STPG2: variants seen among roughly 807,000 people sequenced by gnomAD.
STPG2 encodes the protein sperm-tail PG-rich repeat-containing protein 2.
STPG2 carries 56 observed loss-of-function variants against 54.2 expected under a neutral mutation model. The ratio of observed to expected loss-of-function variants is 1.03; its 90% confidence interval spans 0.83 to 1.29. The LOEUF is 1.29. STPG2 is among the 50% of genes most tolerant of loss of function. The probability of loss-of-function intolerance (pLI) is 0.00; values close to 1 mark genes in which losing one functional copy is unlikely to be tolerated. For synonymous variants in STPG2, 200 were observed against 181.8 expected, an observed-to-expected ratio of 1.10 and a Z score of -0.81; for missense variants, 596 against 544.9, an observed-to-expected ratio of 1.09 and a Z score of -0.93.
At chr4:98,011,296 C>G (rs1735740917) in intron 5 of STPG2, among the ~76,000 whole-genome samples, 1 of 152,058 alleles carries the variant, frequency 6.6e-6, no homozygotes, top group Non-Finnish European at 1.5e-5. Flanking sequence ...GTTCTCATTC[C>G]TTTTCAAGGC....
intron 10 of STPG2, among the ~76,000 whole-genome samples, chr4:97,618,557 G>T (rs1454589363): frequency 6.6e-6 from 1 of 152,118 alleles, no homozygotes; most frequent in Non-Finnish European, 1.5e-5. Context: ...GACAAACCTT[G>T]AATAAATGAG....
intron 9 of STPG2, among the ~76,000 whole-genome samples, chr4:97,718,361 AGG>A (rs2149013253): frequency 6.6e-6 from 1 of 152,200 alleles, no homozygotes; most frequent in African/African-American, 2.4e-5. Flanking sequence ...AAAAATTGTA[AGG>A]TTTCTAAATA....
At chr4:97,856,777 A>G (rs1729351163) in intron 8 of STPG2, among the ~76,000 whole-genome samples, 1 of 152,210 alleles carries the variant, frequency 6.6e-6, no homozygotes, top group South Asian at 2.1e-4. Context: ...TTCATGCAGT[A>G]CAATATTGGC....
At chr4:97,621,417 A>T (rs997269370) in intron 10 of STPG2, among the ~76,000 whole-genome samples, 4 of 152,124 alleles carry the variant, frequency 2.6e-5, no homozygotes, top group Non-Finnish European at 5.9e-5. Context: ...AGAAGATTCA[A>T]ATAAATGCAA....
intron 5 of STPG2, among the ~76,000 whole-genome samples, chr4:98,032,225 G>C (rs1413965349): frequency 6.6e-6 from 1 of 152,048 alleles, no homozygotes; most frequent in Non-Finnish European, 1.5e-5. Flanking sequence ...TATCTACCCA[G>C]AGGAAAAGAA....
intron 9 of STPG2, among the ~76,000 whole-genome samples, chr4:97,831,022 C>T (rs990988005): frequency 6.6e-6 from 1 of 152,098 alleles, no homozygotes; most frequent in African/African-American, 2.4e-5. Context: ...ACCAAGTGGA[C>T]CTAAAAGACA....
chr4:98,102,172 C>T (rs1263845873), intron 5 of STPG2, among the ~76,000 whole-genome samples: 1 of 152,198 alleles, frequency 6.6e-6, no homozygotes, highest in Admixed American at 6.5e-5. Context: ...ACCTCCCTCA[C>T]CTCTGAAGAG....
chr4:97,535,442 G>A (rs1731506681), intron 4 of STPG2, among the ~76,000 whole-genome samples: 1 of 152,080 alleles, frequency 6.6e-6, no homozygotes. Flanking sequence ...GAGTCTGCTG[G>A]CAGTGAATTC....
In STPG2 at chr4:98,143,436, G is replaced by T. The variant is rs993652903; in HGVS notation, c.-286C>A. The stretch of plus-strand genomic sequence containing the variant: ...TGCCAGGTGCACGCCACCAAAATTG[G>T]GTATTAGGGATTAGACGCTCGCCCC... On this transcript the variant is annotated 5_prime_UTR_variant, in exon 1 of 11. Coordinates refer to ENST00000295268, the MANE Select transcript of STPG2 (RefSeq NM_174952.3). 6.6e-6 allele frequency among the ~76,000 whole-genome samples: 1 copy of T among 152,156 alleles called. No individual in the cohort carries two copies. Among genetic ancestry groups the T allele is most frequent in the African/African-American group, 2.4e-5 (1 of 41,430 alleles).
intron 10 of STPG2, among the ~76,000 whole-genome samples, chr4:97,695,754 A>G (rs901103862): frequency 7.0e-6 from 1 of 142,060 alleles, no homozygotes; most frequent in Non-Finnish European, 1.5e-5. Context: ...AAACAGATGG[A>G]AAAAAAAAAA....
intron 9 of STPG2, among the ~76,000 whole-genome samples, chr4:97,745,897 GTTAATCTTAACATCTGGA>G (rs995525965): frequency 2.6e-5 from 4 of 151,186 alleles, no homozygotes; most frequent in Non-Finnish European, 4.5e-5. Flanking sequence ...AAAATAAAGA[GTTAATCTTAACATCTGGA>G]TTTCTAGTTT....
chr4:98,033,922 C>G (rs772942833), intron 5 of STPG2, among the ~76,000 whole-genome samples: 1 of 152,152 alleles, frequency 6.6e-6, no homozygotes, highest in Non-Finnish European at 1.5e-5. Context: ...TAAAAACTCT[C>G]AGTAAACTAG....
chr4:98,008,622 AATT>A (rs1735646469), intron 5 of STPG2, among the ~76,000 whole-genome samples: 3 of 151,804 alleles, frequency 2.0e-5, no homozygotes, highest in Admixed American at 2.0e-4. Context: ...AAAGAAATAA[AATT>A]ATAACATGAC....
At chr4:97,456,344 C>A (rs1729518080) in intron 4 of STPG2, among the ~76,000 whole-genome samples, 1 of 151,624 alleles carries the variant, frequency 6.6e-6, no homozygotes, top group Non-Finnish European at 1.5e-5. Context: ...GAGAGAGAGC[C>A]AAGGGGGAAA....
intron 8 of STPG2, among the ~76,000 whole-genome samples, chr4:97,926,125 T>G (rs906204594): frequency 4.6e-5 from 7 of 152,168 alleles, no homozygotes; most frequent in Admixed American, 1.3e-4. Context: ...TGCATTTTGA[T>G]CTGCAGTAGC....
chr4:97,517,222 T>C (rs562041427), intron 4 of STPG2, among the ~76,000 whole-genome samples: 10 of 152,164 alleles, frequency 6.6e-5, no homozygotes, highest in Non-Finnish European at 1.5e-4. Context: ...TAAAAATATT[T>C]ATTGGGCTGT....
chr4:97,993,325 T>C (rs549049118), intron 5 of STPG2, among the ~76,000 whole-genome samples: 1 of 152,242 alleles, frequency 6.6e-6, no homozygotes, highest in Admixed American at 6.5e-5. Flanking sequence ...GCTTTTTCTG[T>C]GTCTATTGAG....
chr4:97,726,040 A>G (rs537356087), intron 9 of STPG2, among the ~76,000 whole-genome samples: 1 of 152,072 alleles, frequency 6.6e-6, no homozygotes, highest in East Asian at 1.9e-4. Context: ...CTTGAAATAT[A>G]AAGTCCTGCC....
intron 3 of STPG2, among the ~76,000 whole-genome samples, chr4:98,126,777 C>T (rs1207694246): frequency 6.6e-6 from 1 of 152,074 alleles, no homozygotes; most frequent in Non-Finnish European, 1.5e-5. Context: ...CCAAAATGTA[C>T]TCCCAGATGA....
Sources: allele counts gnomAD v4.1 joint callset (sites outside exome capture counted in the v4.1 genomes callset), GRCh38; gene constraint gnomAD v4.1.1; transcripts MANE v1.5; gene names NCBI Gene and HGNC (gene_info 2026-07-23, HGNC 2026-07-21).